IGF2BP3: variants seen among roughly 807,000 people sequenced by gnomAD.
The protein encoded by IGF2BP3 is insulin-like growth factor 2 mRNA-binding protein 3.
A neutral mutation model predicts 73.8 loss-of-function variants in IGF2BP3; 9 were observed. The observed-to-expected ratio is 0.12, with a 90% CI of 0.07 to 0.21. The LOEUF is 0.21. Ranked by LOEUF, IGF2BP3 falls within the 10% of genes least tolerant of loss-of-function variation. The pLI is 1.00. For missense variants in IGF2BP3, 542 were observed against 714.0 expected, an observed-to-expected ratio of 0.76 and a Z score of 2.75; for synonymous variants, 258 against 256.7, an observed-to-expected ratio of 1.01 and a Z score of -0.05.
chr7:23,347,758 G>C (rs370928063), intron 6 of IGF2BP3, 24 bp from the exon 7 acceptor site: 2 of 1,613,692 alleles, frequency 1.2e-6, no homozygotes, highest in Non-Finnish European at 1.7e-6. Context: ...CAAGCAGAGA[G>C]GAAAACGAGA....
intron 2 of IGF2BP3, among the ~76,000 whole-genome samples, chr7:23,449,567 T>C (rs1273041911): frequency 1.8e-4 from 26 of 143,726 alleles, no homozygotes; most frequent in Non-Finnish European, 3.2e-4. Flanking sequence ...TTTTTTTTTT[T>C]TTTTTTTTTG....
At position 23,376,318 on chromosome 7, in the gene IGF2BP3, AG is replaced by A. The variant is rs1158169445; in HGVS notation, c.286-14578del. 4.6e-5 allele frequency among the ~76,000 whole-genome samples: 7 copies of A among 152,186 alleles called. No homozygotes were observed. The South Asian group carries it at 1.5e-3, about 32-fold the overall frequency. ...ACGCCTGTAATCCCAGCACTTTGAG[AG>A]GCCAAGGCAGGCGGATCACCTGAGG... On this transcript the variant is annotated intron_variant, in intron 3 of 14. Transcript: ENST00000258729.
chr7:23,342,324 T>C (rs1299549857), intron 9 of IGF2BP3, 135 bp from the exon 10 acceptor site: 5 of 951,928 alleles, frequency 5.3e-6, no homozygotes, highest in Non-Finnish European at 6.4e-6. Context: ...AGATGTTCCA[T>C]GGGACTCTAC....
In IGF2BP3 at chr7:23,339,030, C is replaced by A. The variant is rs189897979; in HGVS notation, c.1203+3034G>T. On this transcript the variant is annotated intron_variant, in intron 10 of 14. Coordinates refer to ENST00000258729, the MANE Select transcript of IGF2BP3 (RefSeq NM_006547.3). ...ATGTTGTTGTATTCCTTTAAGAATG[C>A]GAATTTCCTTTGCCTGTCCTTGAAA... Among the ~76,000 whole-genome samples, 200 of 152,344 alleles carry A rather than the reference C, an allele frequency of 1.3e-3. 1 individual carries two copies. The highest frequency in any genetic ancestry group is 4.6e-3 in the African/African-American group (191 of 41,576).
intron 2 of IGF2BP3, among the ~76,000 whole-genome samples, chr7:23,464,949 G>A (rs1788531788): frequency 6.6e-6 from 1 of 152,042 alleles, no homozygotes; most frequent in African/African-American, 2.4e-5. Flanking sequence ...AAAAGGTTAG[G>A]TTCTAAAAAA....
chr7:23,370,722 G>C (rs144299039), intron 3 of IGF2BP3, among the ~76,000 whole-genome samples: 7,494 of 151,644 alleles, frequency 0.049, 621 homozygotes, highest in African/African-American at 0.17. Flanking sequence ...CTGTCACCCA[G>C]GCTGGTGTGC....
intron 2 of IGF2BP3, among the ~76,000 whole-genome samples, chr7:23,423,326 C>T (rs1235242737): frequency 6.6e-6 from 1 of 152,188 alleles, no homozygotes; most frequent in Non-Finnish European, 1.5e-5. Flanking sequence ...AATTAAAATA[C>T]TCTACTGCTT....
Position 23,470,077 on chromosome 7 carries a change from T to G in IGF2BP3, c.34A>C (p.Asn12His). 6.2e-7 allele frequency: 1 copy of G among 1,609,550 alleles called. No individual in the cohort carries two copies. Among genetic ancestry groups the G allele is most frequent in the Non-Finnish European group, 8.5e-7 (1 of 1,178,780 alleles). ...CTTTCTAGGTCCGAGGGGGCGGCGT[T>G]CTCGCTGAGGTTTCCGATATACAGT... The part of the protein sequence containing the change: ...NKLYIGNLSE[N>H]AAPSDLESIF... The change falls in exon 1 of 15, where the codon AAC becomes CAC. Residue 12 changes from asparagine (N) to histidine (H), a missense_variant. Transcript: ENST00000258729.
chr7:23,457,191 C>T (rs1437295843), intron 2 of IGF2BP3, among the ~76,000 whole-genome samples: 5 of 151,790 alleles, frequency 3.3e-5, no homozygotes, highest in African/African-American at 4.8e-5. Flanking sequence ...GGGCTGAGTG[C>T]GATGACTCAC....
chr7:23,461,131 C>A (rs1000336118), intron 2 of IGF2BP3, among the ~76,000 whole-genome samples: 2 of 152,116 alleles, frequency 1.3e-5, no homozygotes, highest in Non-Finnish European at 2.9e-5. Flanking sequence ...ACATCACTCT[C>A]GGTGGTATTC....
chr7:23,448,071 A>C (rs1388695737), intron 2 of IGF2BP3, among the ~76,000 whole-genome samples: 2 of 152,210 alleles, frequency 1.3e-5, no homozygotes, highest in Non-Finnish European at 2.9e-5. Context: ...AGGGCAAGGA[A>C]AGCTGTCTGA....
At chr7:23,404,166 G>A (rs1176332734) in intron 3 of IGF2BP3, among the ~76,000 whole-genome samples, 1 of 151,230 alleles carries the variant, frequency 6.6e-6, no homozygotes, top group South Asian at 2.1e-4. Flanking sequence ...AAAGAGGTTC[G>A]CATATTGCTC....
At chr7:23,416,054 C>G (rs1211516062) in intron 3 of IGF2BP3, 1 of 152,094 alleles carries the variant, frequency 6.6e-6, no homozygotes, top group African/African-American at 2.4e-5. Flanking sequence ...ATGCTCAAAG[C>G]AACCCAATGA....
At chr7:23,437,295 C>CA (rs1787828612) in intron 2 of IGF2BP3, among the ~76,000 whole-genome samples, 1 of 151,482 alleles carries the variant, frequency 6.6e-6, no homozygotes, top group Admixed American at 6.6e-5. Flanking sequence ...CAGTCTGGCC[C>CA]ACATGGTGAA....
intron 10 of IGF2BP3, among the ~76,000 whole-genome samples, chr7:23,333,237 T>C (rs1784486247): frequency 2.0e-5 from 3 of 152,340 alleles, no homozygotes; most frequent in Non-Finnish European, 4.4e-5. Flanking sequence ...TTTTAAAAAG[T>C]TAGTTGCATG....
intron 3 of IGF2BP3, among the ~76,000 whole-genome samples, chr7:23,391,617 A>G (rs1251188752): frequency 6.6e-6 from 1 of 152,234 alleles, no homozygotes; most frequent in African/African-American, 2.4e-5. Flanking sequence ...GACTTATATT[A>G]CAATGACTAA....
chr7:23,418,473 T>C (rs1350938410), intron 3 of IGF2BP3, among the ~76,000 whole-genome samples: 3 of 152,204 alleles, frequency 2.0e-5, no homozygotes, highest in Non-Finnish European at 1.5e-5. Context: ...TTAAATACAA[T>C]TGGCAAACTC....
intron 3 of IGF2BP3, among the ~76,000 whole-genome samples, chr7:23,397,505 C>T (rs1186144903): frequency 6.6e-6 from 1 of 152,202 alleles, no homozygotes; most frequent in Non-Finnish European, 1.5e-5. Flanking sequence ...CAACACATGC[C>T]TCCTTCTATC....
intron 2 of IGF2BP3, among the ~76,000 whole-genome samples, chr7:23,425,168 G>C (rs1787472889): frequency 6.6e-6 from 1 of 152,182 alleles, no homozygotes; most frequent in Non-Finnish European, 1.5e-5. Context: ...TTCGTATCAA[G>C]ATGCCAACAA....
Sources: gnomAD v4.1 joint callset for allele counts (sites outside exome capture counted in the v4.1 genomes callset) on GRCh38, gnomAD v4.1.1 for gene constraint, MANE v1.5 for transcripts, NCBI Gene and HGNC (gene_info 2026-07-23, HGNC 2026-07-21) for gene names.